Variants in NQO1 observed in about 807,000 individuals in gnomAD.
The protein encoded by NQO1 is NAD(P)H dehydrogenase [quinone] 1.
In NQO1, 30 loss-of-function variants were observed where a neutral mutation model predicts 32.1. The observed-to-expected ratio is 0.94, with a 90% CI of 0.70 to 1.27. The LOEUF is 1.27. Among genes scored for constraint, NQO1 ranks in the 50% most tolerant of loss-of-function variants. The pLI is 0.00. For synonymous variants in NQO1, 109 were observed against 119.7 expected, an observed-to-expected ratio of 0.91 and a Z score of 0.59; for missense variants, 276 against 331.3, an observed-to-expected ratio of 0.83 and a Z score of 1.30.
rs2038018832 is a variant in NQO1 at position 69,710,145 on chromosome 16, C to CA, written c.*830dup. 1.2e-5 allele frequency: 2 copies of CA among 172,502 alleles called. No individual in the cohort carries two copies. The highest frequency in any genetic ancestry group is 1.3e-4 in the Admixed American group (2 of 15,768). The allele number at this position is 172,502 out of a possible 1,614,324, so 10.7% of individuals were successfully genotyped here. The stretch of plus-strand genomic sequence containing the variant: ...GTCAGGAGTTTGAGACCAGCCTGGC[C>CA]AACATGGTGAAACGCCGTCTCTACT... On this transcript the variant is annotated 3_prime_UTR_variant, in exon 6 of 6. Transcript: ENST00000320623.
chr16:69,718,094 C>G (rs369702788), intron 3 of NQO1, 29 bp downstream of exon 3: 3 of 1,613,410 alleles, frequency 1.9e-6, no homozygotes, highest in Non-Finnish European at 2.5e-6. Flanking sequence ...GCAAATGTCC[C>G]TGACACCCCT....
At chr16:69,711,778 C>T (rs868291401) in intron 5 of NQO1, among the ~76,000 whole-genome samples, 41 of 152,106 alleles carry the variant, frequency 2.7e-4, no homozygotes, top group South Asian at 6.2e-4. Context: ...CTCAGCCTCC[C>T]GAGTAGCTGG....
In NQO1 at chr16:69,710,206, G is replaced by A. The variant is rs143901646; in HGVS notation, c.*770C>T. On this transcript the variant is annotated 3_prime_UTR_variant, in exon 6 of 6. Transcript: ENST00000320623. ...AAATTAGTCAGGCATGATGGCAGGCGCCTGTCATCCCAGCTACTAGGGAGG... is the reference window on the plus strand; with the variant it reads ...AAATTAGTCAGGCATGATGGCAGGCACCTGTCATCCCAGCTACTAGGGAGG... 188 of 153,200 alleles carry A rather than the reference G, an allele frequency of 1.2e-3. No individual in the cohort carries two copies. Among genetic ancestry groups the A allele is most frequent in the Non-Finnish European group, 2.3e-3 (156 of 68,748 alleles). 9.5% of individuals were successfully genotyped at this position (153,200 alleles called of 1,614,324 possible). A position where few individuals can be genotyped will look rare whatever the true frequency, so the allele number is the denominator to read the frequency against.
chr16:69,717,419 G>A (rs2038128114), intron 3 of NQO1, among the ~76,000 whole-genome samples: 1 of 152,078 alleles, frequency 6.6e-6, no homozygotes, highest in African/African-American at 2.4e-5. Flanking sequence ...AAAGTATTTG[G>A]GATTCTTATG....
intron 5 of NQO1, among the ~76,000 whole-genome samples, chr16:69,711,897 G>A (rs562849479): frequency 6.6e-6 from 1 of 151,230 alleles, no homozygotes; most frequent in South Asian, 2.1e-4. Flanking sequence ...CAAGTGATCC[G>A]CCTGCCTCAG....
chr16:69,717,080 T>TA (rs1291662368), intron 3 of NQO1, among the ~76,000 whole-genome samples: 115 of 116,744 alleles, frequency 9.9e-4, no homozygotes, highest in South Asian at 2.6e-3. Flanking sequence ...ATTGAATAAC[T>TA]AAAAAAAAAA....
At chr16:69,716,424 G>A (rs181778628) in intron 3 of NQO1, among the ~76,000 whole-genome samples, 34 of 151,370 alleles carry the variant, frequency 2.2e-4, no homozygotes, top group Non-Finnish European at 4.3e-4. Flanking sequence ...CCCGGGAGGC[G>A]GAGGTTGCAG....
chr16:69,712,892 C>T (rs143254363), intron 5 of NQO1, 136 bp downstream of exon 5: 5 of 698,164 alleles, frequency 7.2e-6, no homozygotes, highest in Middle Eastern at 7.9e-4. Flanking sequence ...TGTCAGTAGG[C>T]TGAGGCAGGA....
chr16:69,715,183 C>T (rs1325040231), intron 3 of NQO1, 106 bp from the exon 4 acceptor site: 1 of 758,446 alleles, frequency 1.3e-6, no homozygotes, highest in Non-Finnish European at 2.4e-6. Flanking sequence ...GTGGGAAGCC[C>T]CTCTTCACAC....
Position 69,710,731 on chromosome 16 carries a change from C to A in NQO1, c.*245G>T. 2.9e-5 allele frequency: 12 copies of A among 418,986 alleles called. No homozygotes were observed. The highest frequency in any genetic ancestry group is 1.5e-4 in the South Asian group (3 of 20,076). The allele number at this position is 418,986 out of a possible 1,614,324, so 26.0% of individuals were successfully genotyped here. On this transcript the variant is annotated 3_prime_UTR_variant, in exon 6 of 6. Transcript: ENST00000320623. ...ATGCCTTTAAAGAACATTTTTCTAGCATCTTTCTACATCTTTCCCTAAGTG... is the reference window on the plus strand; with the variant it reads ...ATGCCTTTAAAGAACATTTTTCTAGAATCTTTCTACATCTTTCCCTAAGTG...
chr16:69,719,145 A>G (rs2038157547), intron 1 of NQO1, among the ~76,000 whole-genome samples: 1 of 152,196 alleles, frequency 6.6e-6, no homozygotes, highest in Non-Finnish European at 1.5e-5. Flanking sequence ...GTGAGTTTAC[A>G]TTTACCCACA....
rs531913887 is a variant in NQO1 at position 69,720,219 on chromosome 16, G to A, written c.8-1685C>T. On this transcript the variant is annotated intron_variant, in intron 1 of 5. Transcript: ENST00000320623. ...GAGGCTGCAGTGATCCGTGATCGCC[G>A]CACTGCACTCCAGCCTGGGTGACAG... 2.1e-4 allele frequency among the ~76,000 whole-genome samples: 31 copies of A among 149,602 alleles called. 2 individuals are homozygous for A. The South Asian group carries it at 2.8e-3, about 13-fold the overall frequency.
chr16:69,711,481 C>G (rs986360437), intron 5 of NQO1, among the ~76,000 whole-genome samples, 200 bp from the exon 6 acceptor site: 6 of 145,048 alleles, frequency 4.1e-5, no homozygotes, highest in African/African-American at 1.5e-4. Context: ...CAGGTGTGTT[C>G]TTCTTTAAAT....
chr16:69,721,855 TAGCTG>T (rs1413097376), intron 1 of NQO1, among the ~76,000 whole-genome samples: 1 of 135,008 alleles, frequency 7.4e-6, no homozygotes, highest in Non-Finnish European at 1.6e-5. Flanking sequence ...AAAAAAAAAT[TAGCTG>T]AGCGTAGTGG....
intron 1 of NQO1, among the ~76,000 whole-genome samples, chr16:69,725,601 A>G (rs1049138994): frequency 4.6e-5 from 7 of 152,186 alleles, no homozygotes; most frequent in Admixed American, 4.6e-4. Flanking sequence ...AAGGCCAGGC[A>G]CGGTGGCTCA....
At chr16:69,725,651 G>T (rs1228325272) in intron 1 of NQO1, among the ~76,000 whole-genome samples, 2 of 152,144 alleles carry the variant, frequency 1.3e-5, no homozygotes, top group Non-Finnish European at 2.9e-5. Flanking sequence ...GAGGTGGGTG[G>T]ATCACCTGAG....
chr16:69,717,802 A>G (rs1274733383), intron 3 of NQO1, among the ~76,000 whole-genome samples: 1 of 152,142 alleles, frequency 6.6e-6, no homozygotes, highest in African/African-American at 2.4e-5. Flanking sequence ...TAGTAAAGAC[A>G]GGGTTTCACC....
chr16:69,724,499 T>A (rs1222172398), intron 1 of NQO1, among the ~76,000 whole-genome samples: 1 of 151,694 alleles, frequency 6.6e-6, no homozygotes, highest in Admixed American at 6.6e-5. Flanking sequence ...AGCCAAAATT[T>A]TTTTTTTTTT....
intron 3 of NQO1, chr16:69,717,850 A>C (rs993530788): frequency 2.8e-6 from 1 of 353,630 alleles, no homozygotes; most frequent in Non-Finnish European, 5.3e-6. Context: ...TGACCTTGTG[A>C]TTCACCTGCC....
Sources: gnomAD v4.1 joint callset for allele counts (sites outside exome capture counted in the v4.1 genomes callset) on GRCh38, gnomAD v4.1.1 for gene constraint, MANE v1.5 for transcripts, NCBI Gene and HGNC (gene_info 2026-07-23, HGNC 2026-07-21) for gene names.